MYO3B: variants seen among roughly 807,000 people sequenced by gnomAD.
MYO3B encodes the protein myosin IIIB.
MYO3B carries 156 observed loss-of-function variants against 174.6 expected under a neutral mutation model. The ratio of observed to expected loss-of-function variants is 0.89; its 90% CI spans 0.78 to 1.02. The LOEUF is 1.02. Ranked by LOEUF, MYO3B falls within the 50% of genes least tolerant of loss-of-function variation. MYO3B has a pLI of 0.00. For missense variants in MYO3B, 1,632 were observed against 1,639.4 expected (o/e 1.00, Z 0.08); for synonymous variants, 563 against 569.1 (o/e 0.99, Z 0.15).
chr2:170,402,984 G>T lies in MYO3B; in HGVS notation c.2266G>T (p.Ala756Ser). 1 of 1,600,734 alleles carries T rather than the reference G, an allele frequency of 6.2e-7. No homozygotes were observed. Among genetic ancestry groups the T allele is most frequent in the Non-Finnish European group, 8.6e-7 (1 of 1,169,568 alleles). Residue 756 changes from alanine to serine, a missense_variant, in exon 19 of 35, where the codon GCT (alanine) becomes TCT (serine). By Grantham distance (99) the Ala-to-Ser change is moderately conservative (BLOSUM62 1). Coordinates refer to ENST00000408978, the MANE Select transcript of MYO3B (RefSeq NM_138995.5). ...IQYYFNQHVFALEQMEYQNEG... is the reference protein window; with the variant it reads ...IQYYFNQHVFSLEQMEYQNEG... Reference sequence around the variant, plus strand: ...GTACTATTTCAATCAGCATGTTTTTGCTCTTGAGCAGGTAATAGTGAACTC... The same window carrying T: ...GTACTATTTCAATCAGCATGTTTTTTCTCTTGAGCAGGTAATAGTGAACTC...
chr2:170,487,820 G>A (rs1291970346), intron 25 of MYO3B, among the ~76,000 whole-genome samples: 1 of 152,158 alleles, frequency 6.6e-6, no homozygotes, highest in Non-Finnish European at 1.5e-5. Flanking sequence ...AAATGCAGGA[G>A]CAGAATGACC....
At chr2:170,316,117 C>T (rs2093773739) in intron 7 of MYO3B, among the ~76,000 whole-genome samples, 1 of 152,178 alleles carries the variant, frequency 6.6e-6, no homozygotes, top group Non-Finnish European at 1.5e-5. Context: ...ATTCCATATT[C>T]CCATATCTCA....
At chr2:170,629,376 T>A (rs976271209) in intron 32 of MYO3B, among the ~76,000 whole-genome samples, 1 of 152,168 alleles carries the variant, frequency 6.6e-6, no homozygotes, top group East Asian at 1.9e-4. Flanking sequence ...TTCCCTGTTA[T>A]TTTTCCCCCA....
At chr2:170,596,317 G>T (rs1475966287) in intron 32 of MYO3B, among the ~76,000 whole-genome samples, 2 of 152,172 alleles carry the variant, frequency 1.3e-5, no homozygotes, top group Non-Finnish European at 2.9e-5. Context: ...TCCCCCAAAA[G>T]CTGTCGCTTC....
intron 32 of MYO3B, among the ~76,000 whole-genome samples, chr2:170,649,163 TATATA>T (rs1296633166): frequency 0.017 from 1,158 of 67,844 alleles, 135 homozygotes; most frequent in East Asian, 0.06. Flanking sequence ...TATAAAATAA[TATATA>T]ATATATTATA....
At chr2:170,264,680 T>A (rs2093369744) in intron 7 of MYO3B, among the ~76,000 whole-genome samples, 1 of 152,178 alleles carries the variant, frequency 6.6e-6, no homozygotes, top group Admixed American at 6.6e-5. Flanking sequence ...CAAAATACCC[T>A]GATATATAGT....
rs1231289286 is a variant in MYO3B, at chr2:170,457,971, C to T, written c.2731-5397C>T. 2.6e-5 allele frequency among the ~76,000 whole-genome samples: 4 copies of T among 152,136 alleles called. No homozygotes were observed. The East Asian group carries it at 7.7e-4, about 29-fold the overall frequency. The stretch of plus-strand genomic sequence containing the variant: ...GTTTCACTTCGTTGGCCAGGCTGGT[C>T]TCGAACTCCTGACCTCAAGTGGTCC... On this transcript the variant is annotated intron_variant, in intron 23 of 34. Coordinates refer to ENST00000408978, the MANE Select transcript of MYO3B (RefSeq NM_138995.5).
intron 32 of MYO3B, among the ~76,000 whole-genome samples, chr2:170,621,467 T>C (rs746417924): frequency 5.9e-5 from 9 of 152,068 alleles, no homozygotes; most frequent in African/African-American, 1.9e-4. Context: ...CTACAACTTA[T>C]ATGAAGCCTT....
chr2:170,461,869 TAAG>T (rs1684314320), intron 23 of MYO3B, among the ~76,000 whole-genome samples: 1 of 150,422 alleles, frequency 6.6e-6, no homozygotes, highest in African/African-American at 2.4e-5. Context: ...AAGAAGAAAA[TAAG>T]GAGAAAAAAG....
At chr2:170,237,546 G>T (rs534917288) in intron 7 of MYO3B, among the ~76,000 whole-genome samples, 7 of 151,362 alleles carry the variant, frequency 4.6e-5, no homozygotes, top group African/African-American at 1.7e-4. Flanking sequence ...GGGGGAGGGG[G>T]GTGTATATGT....
intron 23 of MYO3B, among the ~76,000 whole-genome samples, chr2:170,446,654 G>A (rs1250720199): frequency 4.6e-5 from 7 of 152,152 alleles, no homozygotes; most frequent in Non-Finnish European, 7.3e-5. Context: ...GTTACTATCT[G>A]ACTTATCCAA....
intron 8 of MYO3B, among the ~76,000 whole-genome samples, chr2:170,336,192 A>G (rs895947681): frequency 6.6e-6 from 1 of 151,832 alleles, no homozygotes; most frequent in Non-Finnish European, 1.5e-5. Context: ...TTGAGGGGAC[A>G]GGAATCTAGA....
intron 32 of MYO3B, among the ~76,000 whole-genome samples, chr2:170,624,632 T>G (rs537218586): frequency 6.6e-6 from 1 of 152,194 alleles, no homozygotes; most frequent in Admixed American, 6.6e-5. Context: ...GAGGGCATCC[T>G]TGTCTTGTGC....
chr2:170,615,792 G>A (rs575512354), intron 32 of MYO3B, among the ~76,000 whole-genome samples: 21 of 152,236 alleles, frequency 1.4e-4, no homozygotes, highest in East Asian at 1.2e-3. Context: ...ACTGCCTTCC[G>A]GTCCCATGGT....
chr2:170,601,359 A>T (rs1323859033), intron 32 of MYO3B, among the ~76,000 whole-genome samples: 1 of 152,212 alleles, frequency 6.6e-6, no homozygotes, highest in African/African-American at 2.4e-5. Context: ...AACCTGCTTT[A>T]AATTTCCATG....
At chr2:170,353,715 C>G (rs957962071) in intron 8 of MYO3B, among the ~76,000 whole-genome samples, 10 of 152,258 alleles carry the variant, frequency 6.6e-5, no homozygotes, top group African/African-American at 2.4e-4. Context: ...GAACTTAAAA[C>G]TGTTGTAAAA....
chr2:170,250,298 G>A (rs1295217309), intron 7 of MYO3B, among the ~76,000 whole-genome samples: 1 of 152,198 alleles, frequency 6.6e-6, no homozygotes, highest in Non-Finnish European at 1.5e-5. Context: ...CAATTGATAA[G>A]AAAGGAAGTA....
At chr2:170,601,527 A>G in intron 32 of MYO3B, 1 of 891,652 alleles carries the variant, frequency 1.1e-6, no homozygotes, top group South Asian at 1.7e-5. Context: ...TTACATTTTA[A>G]TTTTTTTATT....
intron 1 of MYO3B, among the ~76,000 whole-genome samples, chr2:170,196,301 G>A (rs2092599423): frequency 6.6e-6 from 1 of 152,284 alleles, no homozygotes; most frequent in Middle Eastern, 3.4e-3. Flanking sequence ...TAGCCCAGGA[G>A]TTTGAGACTA....
Sources: gnomAD v4.1 joint callset for allele counts (sites outside exome capture counted in the v4.1 genomes callset) on GRCh38, gnomAD v4.1.1 for gene constraint, MANE v1.5 for transcripts, NCBI Gene and HGNC (gene_info 2026-07-23, HGNC 2026-07-21) for gene names.